POLR3H: variants seen among roughly 807,000 people sequenced by gnomAD.
POLR3H encodes the protein RNA polymerase III subunit H.
Under a neutral mutation model 25.5 loss-of-function variants are expected in POLR3H, and 17 were observed. That is an observed-to-expected ratio of 0.67 (90% CI 0.46 to 1.00). POLR3H has a LOEUF of 1.00. Ranked by LOEUF, POLR3H falls within the 50% of genes least tolerant of loss-of-function variation. POLR3H has a pLI of 0.00. For missense variants in POLR3H, 274 were observed against 265.0 expected (o/e 1.03, Z -0.24); for synonymous variants, 129 against 103.0 (o/e 1.25, Z -1.53).
Position 41,529,131 on chromosome 22 carries a change from G to C in POLR3H, c.*152C>G. 1.6e-6 allele frequency: 1 copy of C among 641,720 alleles called. No homozygotes were observed. The highest frequency in any genetic ancestry group is 2.7e-6 in the Non-Finnish European group (1 of 368,714). 39.8% of individuals were successfully genotyped at this position (641,720 alleles called of 1,614,324 possible). On this transcript the variant is annotated 3_prime_UTR_variant, in exon 6 of 6. Transcript: ENST00000355209. ...GGAGGAGCAGGGCCTAGATGGTGGA[G>C]GAGCGGGGCAAGCTGGTGGGCACTC...
chr22:41,544,295 C>A lies in POLR3H; in HGVS notation c.-194G>T. The A allele has an allele frequency of 1.9e-6, 1 of 533,852 alleles. No individual in the cohort carries two copies. Among genetic ancestry groups the A allele is most frequent in the African/African-American group, 1.9e-5 (1 of 51,846 alleles). The allele number at this position is 533,852 out of a possible 1,614,324, so 33.1% of individuals were successfully genotyped here. A position where few individuals can be genotyped will look rare whatever the true frequency, so the allele number is the denominator to read the frequency against. On this transcript the variant is annotated 5_prime_UTR_variant, in exon 1 of 6. Transcript: ENST00000355209. The stretch of plus-strand genomic sequence containing the variant: ...TACTACAACATGAGGAAACTGAGGC[C>A]AGAGGGAGGCACTCTCCGTCCACAG...
At position 41,529,052 on chromosome 22, in the gene POLR3H, G is replaced by C; in HGVS notation, c.*231C>G. Reference sequence around the variant, plus strand: ...GTCCAGGAAGGGTCTTTTCAGTCAAGGTCAGTGGAGGCCCAACAGCCACAG... The same window carrying C: ...GTCCAGGAAGGGTCTTTTCAGTCAACGTCAGTGGAGGCCCAACAGCCACAG... On this transcript the variant is annotated 3_prime_UTR_variant, in exon 6 of 6. Transcript: ENST00000355209. 5.2e-6 allele frequency: 3 copies of C among 573,368 alleles called. No homozygotes were observed. The Admixed American group carries it at 9.6e-5, about 18-fold the overall frequency. 35.5% of individuals were successfully genotyped at this position (573,368 alleles called of 1,614,324 possible). A position where few individuals can be genotyped will look rare whatever the true frequency, so the allele number is the denominator to read the frequency against.
chr22:41,529,763 GT>G (rs371328828), intron 5 of POLR3H: 2,550 of 391,504 alleles, frequency 6.5e-3, no homozygotes, highest in East Asian at 8.4e-3. Context: ...TTTTTTTGTT[GT>G]TTTTTTTTTT....
intron 2 of POLR3H, among the ~76,000 whole-genome samples, chr22:41,537,868 G>A (rs1233002584): frequency 3.3e-5 from 5 of 151,886 alleles, no homozygotes; most frequent in Admixed American, 6.6e-5. Flanking sequence ...GTGCAGCGGC[G>A]TGTTCTTGGC....
chr22:41,527,606 G>T lies in POLR3H; in HGVS notation c.*1677C>A. 1.1e-6 allele frequency: 1 copy of T among 891,428 alleles called. No homozygotes were observed. The highest frequency in any genetic ancestry group is 1.7e-6 in the Non-Finnish European group (1 of 602,252). The allele number at this position is 891,428 out of a possible 1,614,324, so 55.2% of individuals were successfully genotyped here. A position where few individuals can be genotyped will look rare whatever the true frequency, so the allele number is the denominator to read the frequency against. The stretch of plus-strand genomic sequence containing the variant: ...CCGACGCTCAGCTTCCCGGCTTCCC[G>T]CAGGCCCTGCTTCCAGGCTTGTAGA... On this transcript the variant is annotated 3_prime_UTR_variant, in exon 6 of 6. Transcript: ENST00000355209.
In POLR3H at chr22:41,527,933, C is replaced by G; in HGVS notation, c.*1350G>C. ...CCTGAAGAAACAGGGCCTGCTGCCTCTGACCTTCGCTGACCCGGCTGACTA... is the reference window on the plus strand; with the variant it reads ...CCTGAAGAAACAGGGCCTGCTGCCTGTGACCTTCGCTGACCCGGCTGACTA... On this transcript the variant is annotated 3_prime_UTR_variant, in exon 6 of 6. Transcript: ENST00000355209. The G allele has an allele frequency of 6.2e-7, 1 of 1,614,226 alleles. No homozygotes were observed. Among genetic ancestry groups the G allele is most frequent in the Non-Finnish European group, 8.5e-7 (1 of 1,180,042 alleles).
At chr22:41,539,175 C>G (rs1259285551) in intron 2 of POLR3H, 1 of 152,156 alleles carries the variant, frequency 6.6e-6, no homozygotes, top group Non-Finnish European at 1.5e-5. Flanking sequence ...AGGAGAATTG[C>G]TTGATGCTGG....
rs2066660284 is a variant in POLR3H, at chr22:41,528,780, T to C, written c.*503A>G. 12 of 1,011,658 alleles carry C rather than the reference T, an allele frequency of 1.2e-5. No homozygotes were observed. The highest frequency in any genetic ancestry group is 1.7e-5 in the Non-Finnish European group (12 of 721,360). 62.7% of individuals were successfully genotyped at this position (1,011,658 alleles called of 1,614,324 possible). A position where few individuals can be genotyped will look rare whatever the true frequency, so the allele number is the denominator to read the frequency against. Reference sequence around the variant, plus strand: ...GTGACTGTGGTTGTGGTGGGGGGGTTCTTAAAATAACTTTTTAGCCCCCGT... The same window carrying C: ...GTGACTGTGGTTGTGGTGGGGGGGTCCTTAAAATAACTTTTTAGCCCCCGT... On this transcript the variant is annotated 3_prime_UTR_variant, in exon 6 of 6. Transcript: ENST00000355209.
Position 41,544,362 on chromosome 22 carries a change from G to GCCACT in POLR3H, c.-266_-262dup, listed in dbSNP as rs756028514. 8.6e-6 allele frequency: 3 copies of GCCACT among 349,014 alleles called. No individual in the cohort carries two copies. In the East Asian group the frequency reaches 1.6e-4, roughly 18 times the overall value. The allele number at this position is 349,014 out of a possible 1,614,324, so 21.6% of individuals were successfully genotyped here. A position where few individuals can be genotyped will look rare whatever the true frequency, so the allele number is the denominator to read the frequency against. On this transcript the variant is annotated 5_prime_UTR_variant, in exon 1 of 6. Transcript: ENST00000355209. ...GCGCCGCGAGACCCCGCCACGCCAC[G>GCCACT]CCACTCCACGCCACGCCACTCCACG... is the stretch of plus-strand genomic sequence containing the variant.
intron 2 of POLR3H, among the ~76,000 whole-genome samples, chr22:41,536,695 A>T (rs1294985180): frequency 6.6e-6 from 1 of 151,006 alleles, no homozygotes; most frequent in African/African-American, 2.4e-5. Context: ...GCAAAACCCC[A>T]TTTCTACTAA....
chr22:41,543,802 A>T (rs549228174), intron 1 of POLR3H, 189 bp downstream of exon 1: 3 of 702,958 alleles, frequency 4.3e-6, no homozygotes, highest in East Asian at 5.5e-5. Flanking sequence ...TTCCAGTTAC[A>T]ACTCCCTTTT....
Position 41,527,768 on chromosome 22 carries a change from C to T in POLR3H, c.*1515G>A, listed in dbSNP as rs1017197123. 4.1e-6 allele frequency: 6 copies of T among 1,456,830 alleles called. No individual in the cohort carries two copies. The highest frequency in any genetic ancestry group is 1.9e-5 in the Admixed American group (1 of 51,290). The allele number at this position is 1,456,830 out of a possible 1,614,324, so 90.2% of individuals were successfully genotyped here. The stretch of plus-strand genomic sequence containing the variant: ...CTAGTGAAAGGGAGCAGACCAGGGC[C>T]CCATAGTCACTGCCCGGGCATTGTC... On this transcript the variant is annotated 3_prime_UTR_variant, in exon 6 of 6. Coordinates refer to ENST00000355209, the MANE Select transcript of POLR3H (RefSeq NM_001018050.4).
Position 41,528,500 on chromosome 22 carries a change from C to T in POLR3H, c.*783G>A, listed in dbSNP as rs1203269282. ...GCAGCCCCTGAAGTGCATCATCAAG[C>T]ACCCCAACGGGACCCAGGAGACCAT... is the stretch of plus-strand genomic sequence containing the variant. On this transcript the variant is annotated 3_prime_UTR_variant, in exon 6 of 6. Transcript: ENST00000355209. The T allele has an allele frequency of 6.2e-7, 1 of 1,612,406 alleles. No individual in the cohort carries two copies. Among genetic ancestry groups the T allele is most frequent in the African/African-American group, 1.3e-5 (1 of 75,008 alleles).
rs1440208620 is a variant in POLR3H at position 41,544,109 on chromosome 22, T to C, written c.-8A>G. On this transcript the variant is annotated 5_prime_UTR_variant, in exon 1 of 6. Coordinates refer to ENST00000355209, the MANE Select transcript of POLR3H (RefSeq NM_001018050.4). ...TTCCACCAGGACGAACATCCCGGCCTGCGCTGGGGGCTCTGGGAACAGGAG... is the reference window on the plus strand; with the variant it reads ...TTCCACCAGGACGAACATCCCGGCCCGCGCTGGGGGCTCTGGGAACAGGAG... 6.4e-7 allele frequency: 1 copy of C among 1,560,194 alleles called. No homozygotes were observed. The highest frequency in any genetic ancestry group is 8.8e-7 in the Non-Finnish European group (1 of 1,137,814).
intron 1 of POLR3H, 67 bp downstream of exon 1, chr22:41,543,924 C>T: frequency 8.7e-7 from 1 of 1,151,612 alleles, no homozygotes; most frequent in Admixed American, 1.8e-5. Context: ...CGAGGCCGGG[C>T]CTGCGGCCAG....
intron 1 of POLR3H, chr22:41,543,735 A>G (rs12484228): frequency 0.22 from 142,780 of 640,926 alleles, 19,772 homozygotes; most frequent in Admixed American, 0.48. Context: ...GAGGCCCAGA[A>G]GGGGTCAGTA....
rs2066590623 is a variant in POLR3H, at chr22:41,526,154, C to CT, written c.*3128dup. 2 of 970,426 alleles carry CT rather than the reference C, an allele frequency of 2.1e-6. No homozygotes were observed. The highest frequency in any genetic ancestry group is 2.5e-5 in the East Asian group (1 of 40,184). The allele number at this position is 970,426 out of a possible 1,614,324, so 60.1% of individuals were successfully genotyped here. ...GAAGACTTGCCTGCCTCTCACCCCT[C>CT]TGTCACCCCTCCTGGGCCCCGGGGC... On this transcript the variant is annotated 3_prime_UTR_variant, in exon 6 of 6. Coordinates refer to ENST00000355209, the MANE Select transcript of POLR3H (RefSeq NM_001018050.4).
In POLR3H at chr22:41,527,639, C is replaced by T. The variant is rs544303371; in HGVS notation, c.*1644G>A. On this transcript the variant is annotated 3_prime_UTR_variant, in exon 6 of 6. Coordinates refer to ENST00000355209, the MANE Select transcript of POLR3H (RefSeq NM_001018050.4). ...TGCTTCCAGGCTTGTAGATCTGAGCCGCTGAGATCTAGGACATGTGCCAGG... is the reference window on the plus strand; with the variant it reads ...TGCTTCCAGGCTTGTAGATCTGAGCTGCTGAGATCTAGGACATGTGCCAGG... 15 of 808,568 alleles carry T rather than the reference C, an allele frequency of 1.9e-5. No individual in the cohort carries two copies. The African/African-American group carries it at 2.2e-4, about 12-fold the overall frequency. 50.1% of individuals were successfully genotyped at this position (808,568 alleles called of 1,614,324 possible). A position where few individuals can be genotyped will look rare whatever the true frequency, so the allele number is the denominator to read the frequency against.
Position 41,544,414 on chromosome 22 carries a change from C to T in POLR3H, c.-313G>A. On this transcript the variant is annotated 5_prime_UTR_variant, in exon 1 of 6. Coordinates refer to ENST00000355209, the MANE Select transcript of POLR3H (RefSeq NM_001018050.4). Reference sequence around the variant, plus strand: ...CCCGCACCCGCGCCACGTGCCGCCGCTCGTATCACGCACCACGCACCACGC... The same window carrying T: ...CCCGCACCCGCGCCACGTGCCGCCGTTCGTATCACGCACCACGCACCACGC... 3.9e-6 allele frequency: 1 copy of T among 259,104 alleles called. No homozygotes were observed. Among genetic ancestry groups the T allele is most frequent in the Non-Finnish European group, 7.2e-6 (1 of 138,714 alleles). The allele number at this position is 259,104 out of a possible 1,614,324, so 16.1% of individuals were successfully genotyped here.
Sources: gnomAD v4.1 joint callset for allele counts (sites outside exome capture counted in the v4.1 genomes callset) on GRCh38, gnomAD v4.1.1 for gene constraint, MANE v1.5 for transcripts, NCBI Gene and HGNC (gene_info 2026-07-23, HGNC 2026-07-21) for gene names.